Variants in POLR2B observed in about 807,000 individuals in gnomAD.
POLR2B encodes the protein RNA polymerase II subunit B.
Under a neutral mutation model 144.6 loss-of-function variants are expected in POLR2B, and 57 were observed. That is an observed-to-expected ratio of 0.39 (90% confidence interval 0.32 to 0.49). The LOEUF is 0.49. POLR2B is among the 20% of genes least tolerant of loss of function. The probability of loss-of-function intolerance (pLI) is 0.83; values close to 1 mark genes in which losing one functional copy is unlikely to be tolerated. For synonymous variants in POLR2B, 442 were observed against 469.8 expected, an observed-to-expected ratio of 0.94 and a Z score of 0.77; for missense variants, 595 against 1,467.4, an observed-to-expected ratio of 0.41 and a Z score of 9.71.
At chr4:56,988,134 G>A (rs1213541603) in intron 2 of POLR2B, among the ~76,000 whole-genome samples, 1 of 152,010 alleles carries the variant, frequency 6.6e-6, no homozygotes, top group Non-Finnish European at 1.5e-5. Flanking sequence ...GGAGTTGATG[G>A]TGAGGATAGG....
chr4:57,018,669 C>T (rs1028795593), intron 16 of POLR2B, among the ~76,000 whole-genome samples: 9 of 152,050 alleles, frequency 5.9e-5, no homozygotes, highest in African/African-American at 1.4e-4. Flanking sequence ...ATTTGAAAGA[C>T]GGTCAAGTCT....
At chr4:57,015,811 A>C (rs184602474) in intron 14 of POLR2B, among the ~76,000 whole-genome samples, 155 bp downstream of exon 14, 26 of 151,396 alleles carry the variant, frequency 1.7e-4, no homozygotes, top group Admixed American at 1.6e-3. Context: ...CCCATGCTGG[A>C]GTGCAGTGAT....
intron 1 of POLR2B, among the ~76,000 whole-genome samples, chr4:56,986,065 C>A (rs1213369967): frequency 6.6e-6 from 1 of 152,236 alleles, no homozygotes; most frequent in African/African-American, 2.4e-5. Context: ...TTACCCTGTT[C>A]TCTGACTCTA....
chr4:56,994,010 T>C lies in POLR2B; in HGVS notation c.244-394T>C, dbSNP rs187993845. ...ATATAAACTCAGAGCACATGATGTG[T>C]ACAGTCTTTACTTTTAGTATATTAA... On this transcript the variant is annotated intron_variant, in intron 3 of 24. Coordinates refer to ENST00000314595, the MANE Select transcript of POLR2B (RefSeq NM_000938.3). Among the ~76,000 whole-genome samples the C allele has an allele frequency of 1.2e-4, 19 of 152,346 alleles. No homozygotes were observed. The East Asian group carries it at 3.7e-3, about 29-fold the overall frequency.
chr4:56,993,175 C>T (rs1031602618), intron 3 of POLR2B, among the ~76,000 whole-genome samples: 1 of 151,738 alleles, frequency 6.6e-6, no homozygotes, highest in East Asian at 2.0e-4. Flanking sequence ...CCTGGTGGTG[C>T]GCCTGTAGTC....
At chr4:57,013,242 A>G (rs992733885) in intron 13 of POLR2B, among the ~76,000 whole-genome samples, 1 of 151,314 alleles carries the variant, frequency 6.6e-6, no homozygotes, top group Non-Finnish European at 1.5e-5. Context: ...CTTCCAAAGT[A>G]CTGGGATAAC....
intron 18 of POLR2B, among the ~76,000 whole-genome samples, chr4:57,022,959 G>C (rs2109715583): frequency 6.6e-6 from 1 of 152,256 alleles, no homozygotes; most frequent in South Asian, 2.1e-4. Context: ...GGCATCCATA[G>C]ATACTCTCTT....
In POLR2B at chr4:57,030,325, C is replaced by T; in HGVS notation, c.3361C>T (p.Leu1121Phe). The T allele has an allele frequency of 6.2e-7, 1 of 1,614,106 alleles. No individual in the cohort carries two copies. Among genetic ancestry groups the T allele is most frequent in the Non-Finnish European group, 8.5e-7 (1 of 1,179,990 alleles). The change falls in exon 24 of 25, where the codon CTT becomes TTT. Residue 1121 changes from leucine to phenylalanine, a missense_variant. By Grantham distance (22) the Leu-to-Phe change is conservative. Transcript: ENST00000314595. The part of the protein sequence containing the change: ...SDPYQVHVCN[L>F]CGIMAIANTR... Reference sequence around the variant, plus strand: ...TCCATATCAGGTTCATGTTTGCAATCTTTGTGGAATAATGGCGATTGCCAA... The same window carrying T: ...TCCATATCAGGTTCATGTTTGCAATTTTTGTGGAATAATGGCGATTGCCAA...
rs745883473 is a variant in POLR2B, at chr4:56,979,019, A to G, written c.19+15A>G. The G allele has an allele frequency of 5.0e-6, 8 of 1,612,826 alleles. No homozygotes were observed. Among genetic ancestry groups the G allele is most frequent in the Middle Eastern group, 1.8e-4 (1 of 5,698 alleles). ...CGCGGATGAGGGTAGGTGAACGCTC[A>G]AAACACACGCCGTGGCGGTCCATTT... On this transcript the variant is annotated intron_variant, in intron 1 of 24. Transcript: ENST00000314595.
At chr4:57,005,071 G>A (rs1005269428) in intron 7 of POLR2B, among the ~76,000 whole-genome samples, 175 bp from the exon 8 acceptor site, 3 of 152,036 alleles carry the variant, frequency 2.0e-5, no homozygotes, top group African/African-American at 7.2e-5. Flanking sequence ...GTCAGAGATC[G>A]CTAGATCTCT....
intron 10 of POLR2B, among the ~76,000 whole-genome samples, chr4:57,007,402 T>C (rs1427099324): frequency 6.6e-6 from 1 of 151,456 alleles, no homozygotes; most frequent in Non-Finnish European, 1.5e-5. Flanking sequence ...GCAAAAAGAG[T>C]GAGACTCCGT....
chr4:56,995,420 G>A lies in POLR2B; in HGVS notation c.735+11G>A, dbSNP rs763355627. 1.3e-5 allele frequency: 20 copies of A among 1,571,526 alleles called. No individual in the cohort carries two copies. The highest frequency in any genetic ancestry group is 3.5e-5 in the Admixed American group (2 of 56,920). ...GCAAGAGGAGGACAGGTATGGACTG[G>A]ATATGATGCTATTTGGGTTTATTCC... On this transcript the variant is annotated intron_variant, in intron 6 of 24. Transcript: ENST00000314595.
At position 57,011,600 on chromosome 4, in the gene POLR2B, G is replaced by A. The variant is rs1405690311; in HGVS notation, c.1800+500G>A. Among the ~76,000 whole-genome samples, 6 of 152,232 alleles carry A rather than the reference G, an allele frequency of 3.9e-5. No homozygotes were observed. In the South Asian group the frequency reaches 8.3e-4, roughly 21 times the overall value. ...AGCACTTTGGGAGGCTAAGGCAGGC[G>A]GATCACAAGGTCAAGAGATTGAGAC... On this transcript the variant is annotated intron_variant, in intron 13 of 24. Coordinates refer to ENST00000314595, the MANE Select transcript of POLR2B (RefSeq NM_000938.3).
rs375082537 is a variant in POLR2B at position 56,991,993 on chromosome 4, C to T, written c.243+1095C>T. ...TTTTTTCTTCATGGTCTTTGTATAA[C>T]AAGCCAGATAACAATATAACATAGC... On this transcript the variant is annotated intron_variant, in intron 3 of 24. Coordinates refer to ENST00000314595, the MANE Select transcript of POLR2B (RefSeq NM_000938.3). 5.0e-4 allele frequency among the ~76,000 whole-genome samples: 76 copies of T among 152,154 alleles called. 1 individual carries two copies. In the South Asian group the frequency reaches 0.014, roughly 28 times the overall value.
chr4:57,018,895 A>G (rs372395509), intron 16 of POLR2B, among the ~76,000 whole-genome samples: 3 of 152,266 alleles, frequency 2.0e-5, no homozygotes, highest in African/African-American at 7.2e-5. Context: ...AATGGTGAAG[A>G]GAAATCTGAA....
chr4:56,988,111 T>TA (rs1722387773), intron 2 of POLR2B, among the ~76,000 whole-genome samples: 1 of 151,842 alleles, frequency 6.6e-6, no homozygotes, highest in South Asian at 2.1e-4. Context: ...TATAAGTATA[T>TA]ATTTTTCCAT....
chr4:57,025,031 C>T (rs751661106), intron 22 of POLR2B, 32 bp downstream of exon 22: 7 of 1,108,214 alleles, frequency 6.3e-6, no homozygotes, highest in Non-Finnish European at 1.3e-6. Flanking sequence ...TAATTTGCCA[C>T]TTGTTTTTTT....
intron 1 of POLR2B, chr4:56,985,308 C>G: frequency 1.0e-6 from 1 of 985,408 alleles, no homozygotes; most frequent in Non-Finnish European, 1.2e-6. Flanking sequence ...GATCTCAGCT[C>G]CTGCGAGGAG....
intron 10 of POLR2B, chr4:57,009,962 T>A (rs1723138915): frequency 6.5e-6 from 1 of 154,774 alleles, no homozygotes. Context: ...CTGAGATGGA[T>A]TAGTGATGTC....
Sources: gnomAD v4.1 joint callset for allele counts (sites outside exome capture counted in the v4.1 genomes callset) on GRCh38, gnomAD v4.1.1 for gene constraint, MANE v1.5 for transcripts, NCBI Gene and HGNC (gene_info 2026-07-23, HGNC 2026-07-21) for gene names.